The following MSI2 variants were observed in gnomAD, a reference collection of about 807,000 sequenced individuals.
The protein encoded by MSI2 is RNA-binding protein Musashi homolog 2.
A neutral mutation model predicts 45.6 loss-of-function variants in MSI2; 17 were observed. The observed-to-expected ratio is 0.37, with a 90% CI of 0.26 to 0.56. The LOEUF is 0.56. Among genes scored for constraint, MSI2 ranks in the 20% least tolerant of loss-of-function variants. The pLI is 0.77. For synonymous variants in MSI2, 156 were observed against 158.2 expected (o/e 0.99, Z 0.11); for missense variants, 293 against 444.2 (o/e 0.66, Z 3.06).
At chr17:57,568,966 T>C (rs1180624481) in intron 7 of MSI2, among the ~76,000 whole-genome samples, 1 of 152,174 alleles carries the variant, frequency 6.6e-6, no homozygotes, top group Non-Finnish European at 1.5e-5. Context: ...CTGACCTACC[T>C]TGGACTTGGG....
At chr17:57,670,556 T>C (rs1292122507) in intron 11 of MSI2, among the ~76,000 whole-genome samples, 2 of 152,314 alleles carry the variant, frequency 1.3e-5, no homozygotes, top group East Asian at 3.9e-4. Context: ...TCTCCTTTTA[T>C]CCAATGTGAA....
At chr17:57,504,283 AG>A (rs1426267423) in intron 6 of MSI2, among the ~76,000 whole-genome samples, 1 of 152,124 alleles carries the variant, frequency 6.6e-6, no homozygotes, top group African/African-American at 2.4e-5. Flanking sequence ...TGACCTCACA[AG>A]GCAGCCCCCC....
intron 6 of MSI2, among the ~76,000 whole-genome samples, chr17:57,528,563 G>A (rs1303365852): frequency 1.3e-5 from 2 of 152,254 alleles, no homozygotes; most frequent in South Asian, 2.1e-4. Flanking sequence ...CAGATTGGAG[G>A]GCTAAAACAA....
At chr17:57,567,028 G>A (rs2144283814) in intron 7 of MSI2, among the ~76,000 whole-genome samples, 1 of 152,340 alleles carries the variant, frequency 6.6e-6, no homozygotes, top group South Asian at 2.1e-4. Flanking sequence ...ATGCTTCCAT[G>A]TAGCAGGGAG....
At chr17:57,558,073 T>C (rs371488479) in intron 7 of MSI2, among the ~76,000 whole-genome samples, 4 of 152,206 alleles carry the variant, frequency 2.6e-5, no homozygotes, top group Non-Finnish European at 2.9e-5. Flanking sequence ...CTTCTGAGAG[T>C]GCTCAAGACG....
intron 5 of MSI2, among the ~76,000 whole-genome samples, chr17:57,367,224 G>GGAAT (rs1917258536): frequency 6.6e-6 from 1 of 152,132 alleles, no homozygotes; most frequent in Non-Finnish European, 1.5e-5. Flanking sequence ...TACACTGAGG[G>GGAAT]GAATGGCTTC....
chr17:57,341,522 G>T (rs1915158999), intron 5 of MSI2, among the ~76,000 whole-genome samples: 1 of 152,172 alleles, frequency 6.6e-6, no homozygotes, highest in Admixed American at 6.5e-5. Context: ...GTACGACCAG[G>T]TTCCTATTGT....
chr17:57,653,041 G>A (rs1324399530), intron 11 of MSI2, among the ~76,000 whole-genome samples: 1 of 152,086 alleles, frequency 6.6e-6, no homozygotes, highest in Admixed American at 6.5e-5. Context: ...CACGGACAGG[G>A]CTCTGGAGCA....
chr17:57,325,496 A>C lies in MSI2; in HGVS notation c.312+63304A>C, dbSNP rs775478561. Among the ~76,000 whole-genome samples the C allele has an allele frequency of 2.6e-5, 4 of 152,334 alleles. No individual in the cohort carries two copies. The South Asian group carries it at 8.3e-4, about 32-fold the overall frequency. On this transcript the variant is annotated intron_variant, in intron 5 of 13. Transcript: ENST00000284073. ...CAAAAAAAGAAAGTGGAGTCTAAAA[A>C]AGGGACGTGTTTGAGTCCTGAACAC...
At chr17:57,523,344 G>T (rs748097632) in intron 6 of MSI2, among the ~76,000 whole-genome samples, 30 of 152,152 alleles carry the variant, frequency 2.0e-4, no homozygotes, top group Non-Finnish European at 4.3e-4. Context: ...CACCACGCCC[G>T]GCCTGCATTG....
intron 7 of MSI2, chr17:57,532,352 C>T (rs1330845815): frequency 6.6e-6 from 1 of 152,180 alleles, no homozygotes; most frequent in Non-Finnish European, 1.5e-5. Context: ...CACTGCCCTC[C>T]CTCTCATCCA....
intron 5 of MSI2, among the ~76,000 whole-genome samples, chr17:57,262,616 G>T (rs1907425417): frequency 6.6e-6 from 1 of 152,172 alleles, no homozygotes; most frequent in Admixed American, 6.5e-5. Flanking sequence ...TCCTTTCTTG[G>T]AAAAGACAAC....
chr17:57,367,067 G>A (rs1283320432), intron 5 of MSI2, among the ~76,000 whole-genome samples: 1 of 152,208 alleles, frequency 6.6e-6, no homozygotes, highest in African/African-American at 2.4e-5. Context: ...TTCCAAGCTC[G>A]AAAGTGTATA....
At chr17:57,489,867 G>A (rs1256530206) in intron 6 of MSI2, among the ~76,000 whole-genome samples, 3 of 152,216 alleles carry the variant, frequency 2.0e-5, no homozygotes, top group African/African-American at 7.2e-5. Context: ...ATCTCTTGGT[G>A]TTGTAGCTCC....
chr17:57,439,712 C>T (rs1269812725), intron 6 of MSI2, among the ~76,000 whole-genome samples: 1 of 152,178 alleles, frequency 6.6e-6, no homozygotes, highest in Non-Finnish European at 1.5e-5. Context: ...GCGTGCGCCA[C>T]CTTGCCCAAC....
At chr17:57,287,492 G>T (rs577941283) in intron 5 of MSI2, among the ~76,000 whole-genome samples, 24 of 152,306 alleles carry the variant, frequency 1.6e-4, no homozygotes, top group Non-Finnish European at 3.1e-4. Context: ...TTGCTCAGTC[G>T]CGGAGTCTTG....
At chr17:57,419,694 G>T (rs1465256062) in intron 6 of MSI2, among the ~76,000 whole-genome samples, 1 of 152,162 alleles carries the variant, frequency 6.6e-6, no homozygotes, top group Non-Finnish European at 1.5e-5. Context: ...TTCTCAACTA[G>T]CTGCACCAAG....
chr17:57,643,017 T>C (rs1008138179), intron 10 of MSI2, among the ~76,000 whole-genome samples: 6 of 152,190 alleles, frequency 3.9e-5, no homozygotes, highest in Non-Finnish European at 8.8e-5. Context: ...GAGCTCCAGC[T>C]GCAAGTTGGA....
chr17:57,561,604 G>A (rs553991547), intron 7 of MSI2, among the ~76,000 whole-genome samples: 1 of 152,304 alleles, frequency 6.6e-6, no homozygotes, highest in Admixed American at 6.5e-5. Flanking sequence ...CCCTTTTGGG[G>A]TAGGAGGCTG....
Sources: allele counts gnomAD v4.1 joint callset (sites outside exome capture counted in the v4.1 genomes callset), GRCh38; gene constraint gnomAD v4.1.1; transcripts MANE v1.5; gene names NCBI Gene and HGNC (gene_info 2026-07-23, HGNC 2026-07-21).